LPP: variants seen among roughly 807,000 people sequenced by gnomAD.
LPP encodes the protein lipoma-preferred partner.
A neutral mutation model predicts 60.4 loss-of-function variants in LPP; 38 were observed. That is an observed-to-expected ratio of 0.63 (90% CI 0.49 to 0.83). LPP has a LOEUF of 0.83. Among genes scored for constraint, LPP ranks in the 40% least tolerant of loss-of-function variants. LPP has a pLI of 0.00. For synonymous variants in LPP, 328 were observed against 290.8 expected (o/e 1.13, Z -1.30); for missense variants, 902 against 783.6 (o/e 1.15, Z -1.80).
At chr3:188,668,472 G>A (rs759796325) in intron 7 of LPP, among the ~76,000 whole-genome samples, 2 of 152,170 alleles carry the variant, frequency 1.3e-5, no homozygotes, top group Non-Finnish European at 2.9e-5. Flanking sequence ...TGTAGGTGCA[G>A]TATGTATAAT....
chr3:188,612,885 A>G (rs1844013618), intron 7 of LPP, among the ~76,000 whole-genome samples: 1 of 152,098 alleles, frequency 6.6e-6, no homozygotes, highest in African/African-American at 2.4e-5. Context: ...AAAAGAGGAG[A>G]GACAGGATGG....
Position 188,506,806 on chromosome 3 carries a change from TA to T in LPP, c.307-17858del, listed in dbSNP as rs561346909. 8.0e-3 allele frequency among the ~76,000 whole-genome samples: 1,211 copies of T among 152,288 alleles called. 19 individuals are homozygous for T. Among genetic ancestry groups the T allele is most frequent in the African/African-American group, 0.028 (1,152 of 41,538 alleles). ...CATAACCTTTATTTTCATTTCATTT[TA>T]TTTTTTTTGAGATGGAGTCTTGCTC... On this transcript the variant is annotated intron_variant, in intron 5 of 11. Transcript: ENST00000617246.
At chr3:188,286,087 T>C (rs77972081) in intron 2 of LPP, among the ~76,000 whole-genome samples, 2,864 of 152,244 alleles carry the variant, frequency 0.019, 89 homozygotes, top group African/African-American at 0.064. Flanking sequence ...CCAAGGGCCC[T>C]GGAATGAATT....
chr3:188,863,253 G>A (rs77233643), intron 9 of LPP, among the ~76,000 whole-genome samples: 1,727 of 152,208 alleles, frequency 0.011, 28 homozygotes, highest in African/African-American at 0.04. Flanking sequence ...AACTGAGATC[G>A]AAGGAATAAA....
chr3:188,727,045 G>T lies in LPP; in HGVS notation c.1240+18652G>T, dbSNP rs985516812. Reference sequence around the variant, plus strand: ...GAAGTCAGTTATTCAAGGACACACAGGTAGGTCTACAATTTAGGTGCTCTA... The same window carrying T: ...GAAGTCAGTTATTCAAGGACACACATGTAGGTCTACAATTTAGGTGCTCTA... On this transcript the variant is annotated intron_variant, in intron 8 of 11. Transcript: ENST00000617246. Among the ~76,000 whole-genome samples the T allele has an allele frequency of 2.6e-5, 4 of 152,090 alleles. No individual in the cohort carries two copies. In the South Asian group the frequency reaches 8.3e-4, roughly 31 times the overall value.
At chr3:188,313,534 A>T (rs1754122544) in intron 2 of LPP, among the ~76,000 whole-genome samples, 1 of 151,866 alleles carries the variant, frequency 6.6e-6, no homozygotes, top group African/African-American at 2.4e-5. Context: ...GCTACTCGGG[A>T]GGCTGAGGCA....
chr3:188,624,732 TCC>T (rs1846448942), intron 7 of LPP, among the ~76,000 whole-genome samples: 3 of 138,072 alleles, frequency 2.2e-5, no homozygotes, highest in Non-Finnish European at 4.8e-5. Context: ...CCTTTCCCTT[TCC>T]CTTTCCCTTC....
At position 188,318,753 on chromosome 3, in the gene LPP, C is replaced by CTTTTT. The variant is rs10708836; in HGVS notation, c.-66-22891_-66-22887dup. On this transcript the variant is annotated intron_variant, in intron 2 of 11. Transcript: ENST00000617246. ...AAAAAATTGAAAAAAAATTATGATT[C>CTTTTT]TTTTTTTTTTTTTTTTTTTTTTTGA... Among the ~76,000 whole-genome samples the CTTTTT allele has an allele frequency of 2.5e-3, 244 of 96,822 alleles. 14 individuals carry two copies. The highest frequency in any genetic ancestry group is 0.012 in the South Asian group (34 of 2,826). The allele number at this position is 96,822 out of a possible 152,430, so 63.5% of individuals were successfully genotyped here. A position where few individuals can be genotyped will look rare whatever the true frequency, so the allele number is the denominator to read the frequency against.
At chr3:188,770,156 A>G (rs1386957974) in intron 9 of LPP, among the ~76,000 whole-genome samples, 1 of 146,934 alleles carries the variant, frequency 6.8e-6, no homozygotes. Context: ...ATTTTCTTTC[A>G]TAGTTATAAT....
At chr3:188,242,031 G>A (rs561923330) in intron 2 of LPP, among the ~76,000 whole-genome samples, 1 of 152,246 alleles carries the variant, frequency 6.6e-6, no homozygotes, top group Non-Finnish European at 1.5e-5. Flanking sequence ...AAATCGCAGG[G>A]TGGATGATGT....
chr3:188,537,567 A>G (rs1015843912), intron 6 of LPP, among the ~76,000 whole-genome samples: 1 of 152,172 alleles, frequency 6.6e-6, no homozygotes, highest in Non-Finnish European at 1.5e-5. Flanking sequence ...CTAATTGAAT[A>G]CAAAGTCTCT....
intron 9 of LPP, among the ~76,000 whole-genome samples, chr3:188,816,675 T>C (rs1359717269): frequency 6.6e-6 from 1 of 152,238 alleles, no homozygotes; most frequent in Non-Finnish European, 1.5e-5. Flanking sequence ...CTTCCTTTTC[T>C]GAAATTCTCT....
chr3:188,173,524 A>G (rs1722194416), intron 1 of LPP, among the ~76,000 whole-genome samples: 1 of 149,550 alleles, frequency 6.7e-6, no homozygotes, highest in Non-Finnish European at 1.5e-5. Flanking sequence ...AACAAAAAAA[A>G]CAAACAAAAA....
intron 9 of LPP, among the ~76,000 whole-genome samples, chr3:188,830,306 TAA>T (rs1046076554): frequency 1.6e-4 from 22 of 135,140 alleles, no homozygotes; most frequent in Non-Finnish European, 2.4e-4. Context: ...AAGCACTATT[TAA>T]AAAAAAAAAA....
At chr3:188,626,674 A>G (rs1404239573) in intron 7 of LPP, among the ~76,000 whole-genome samples, 2 of 151,708 alleles carry the variant, frequency 1.3e-5, no homozygotes, top group African/African-American at 4.8e-5. Context: ...TATAAGGACA[A>G]CTCCAGTCGT....
chr3:188,286,378 T>A (rs1000568292), intron 2 of LPP, among the ~76,000 whole-genome samples: 1 of 152,136 alleles, frequency 6.6e-6, no homozygotes, highest in Non-Finnish European at 1.5e-5. Context: ...GTGGTGTGTT[T>A]GGCAGCATGC....
chr3:188,787,398 G>T (rs1028802109), intron 9 of LPP, among the ~76,000 whole-genome samples: 3 of 151,588 alleles, frequency 2.0e-5, no homozygotes, highest in Non-Finnish European at 4.4e-5. Flanking sequence ...AAAACCCTTT[G>T]ACAACTTTAG....
chr3:188,424,493 A>G (rs1788756419), intron 4 of LPP, among the ~76,000 whole-genome samples: 1 of 152,162 alleles, frequency 6.6e-6, no homozygotes, highest in Admixed American at 6.5e-5. Flanking sequence ...TCTGTGAAGA[A>G]TGTCAATGCT....
chr3:188,481,946 C>T (rs114490960), intron 4 of LPP, among the ~76,000 whole-genome samples: 23 of 152,202 alleles, frequency 1.5e-4, no homozygotes, highest in Non-Finnish European at 2.2e-4. Flanking sequence ...TGTCCCCACC[C>T]AAATTTCGTC....
Sources: allele counts gnomAD v4.1 joint callset (sites outside exome capture counted in the v4.1 genomes callset), GRCh38; gene constraint gnomAD v4.1.1; transcripts MANE v1.5; gene names NCBI Gene and HGNC (gene_info 2026-07-23, HGNC 2026-07-21).